Variants in DTNA observed in about 807,000 individuals in gnomAD.
DTNA encodes the protein dystrophin-related protein 3.
A neutral mutation model predicts 100.7 loss-of-function variants in DTNA; 43 were observed. That is an observed-to-expected ratio of 0.43 (90% CI 0.33 to 0.55). DTNA has a LOEUF of 0.55. DTNA is among the 20% of genes least tolerant of loss of function. The pLI, the probability that DTNA is intolerant of heterozygous loss-of-function variation, is 0.04. For missense variants in DTNA, 798 were observed against 953.9 expected (o/e 0.84, Z 2.15); for synonymous variants, 349 against 347.9 (o/e 1.00, Z -0.04).
intron 3 of DTNA, among the ~76,000 whole-genome samples, chr18:34,774,484 G>T (rs1188655591): frequency 1.3e-5 from 2 of 152,186 alleles, no homozygotes; most frequent in Non-Finnish European, 1.5e-5. Flanking sequence ...CCTCACTGAG[G>T]TTTTGTTAAC....
intron 1 of DTNA, among the ~76,000 whole-genome samples, chr18:34,696,420 A>T (rs2080551663): frequency 6.6e-6 from 1 of 152,104 alleles, no homozygotes; most frequent in South Asian, 2.1e-4. Flanking sequence ...TCTACTAAAA[A>T]TACAAAAATT....
At chr18:34,618,836 G>A (rs2055869322) in intron 1 of DTNA, among the ~76,000 whole-genome samples, 1 of 152,090 alleles carries the variant, frequency 6.6e-6, no homozygotes. Context: ...CATCAGCCAT[G>A]TACCAATTAA....
At chr18:34,789,752 G>A (rs185895296) in intron 3 of DTNA, among the ~76,000 whole-genome samples, 9 of 151,876 alleles carry the variant, frequency 5.9e-5, no homozygotes, top group African/African-American at 9.7e-5. Context: ...TTTCTTTTAC[G>A]TTCCTTATAT....
At chr18:34,833,841 G>A (rs2096072085) in intron 11 of DTNA, among the ~76,000 whole-genome samples, 3 of 152,184 alleles carry the variant, frequency 2.0e-5, no homozygotes. Flanking sequence ...AGCTTAAAAG[G>A]AAGAATGCAT....
chr18:34,503,513 C>T (rs757178751), intron 1 of DTNA, among the ~76,000 whole-genome samples: 17 of 151,238 alleles, frequency 1.1e-4, no homozygotes, highest in East Asian at 2.0e-4. Flanking sequence ...CTCGATCTCC[C>T]GACCTCGTGA....
intron 1 of DTNA, among the ~76,000 whole-genome samples, chr18:34,538,490 A>C (rs1464936060): frequency 6.6e-6 from 1 of 152,090 alleles, no homozygotes; most frequent in Non-Finnish European, 1.5e-5. Context: ...GATTCTGACC[A>C]GTAGAATCTC....
At chr18:34,588,771 A>G (rs1310813575) in intron 1 of DTNA, among the ~76,000 whole-genome samples, 1 of 152,060 alleles carries the variant, frequency 6.6e-6, no homozygotes, top group Non-Finnish European at 1.5e-5. Flanking sequence ...AAGATTTTTC[A>G]TAAAGGATCC....
chr18:34,882,209 G>A lies in DTNA; in HGVS notation c.2295+8G>A, dbSNP rs1243809644. ...CAAGATGAAGCTTATCAGGTACAGG[G>A]ATCCAGGCCCACCCCACCCCACCTC... On this transcript the variant is annotated splice_region_variant and intron_variant, in intron 21 of 22. Coordinates refer to ENST00000444659, the MANE Select transcript of DTNA (RefSeq NM_001386795.1). 6.2e-7 allele frequency: 1 copy of A among 1,613,612 alleles called. No individual in the cohort carries two copies. The highest frequency in any genetic ancestry group is 8.5e-7 in the Non-Finnish European group (1 of 1,179,804).
intron 1 of DTNA, among the ~76,000 whole-genome samples, chr18:34,564,755 A>G (rs991677075): frequency 2.0e-5 from 3 of 152,174 alleles, no homozygotes; most frequent in Admixed American, 6.5e-5. Context: ...AAGTAATACT[A>G]TTAAGTGTAT....
rs191914063 is a variant in DTNA at position 34,582,130 on chromosome 18, C to T, written c.-2+88616C>T. Among the ~76,000 whole-genome samples the T allele has an allele frequency of 8.5e-5, 13 of 152,182 alleles. No homozygotes were observed. The East Asian group carries it at 2.5e-3, about 30-fold the overall frequency. On this transcript the variant is annotated intron_variant, in intron 1 of 19. Coordinates refer to the DTNA transcript ENST00000283365. The stretch of plus-strand genomic sequence containing the variant: ...AATGTGGCTGCTCAGAGAGAGAGAG[C>T]ACCCACACACTCTGCCTTCTCTTCC...
intron 1 of DTNA, among the ~76,000 whole-genome samples, chr18:34,702,733 C>T (rs2081552799): frequency 6.6e-6 from 1 of 152,066 alleles, no homozygotes; most frequent in Admixed American, 6.6e-5. Context: ...TTTCTTTTTC[C>T]TCCACCTCTG....
intron 12 of DTNA, among the ~76,000 whole-genome samples, chr18:34,838,532 G>A (rs1408759937): frequency 6.6e-6 from 1 of 152,086 alleles, no homozygotes; most frequent in Non-Finnish European, 1.5e-5. Flanking sequence ...TAACCTAAAT[G>A]GAAGTCTTTA....
intron 20 of DTNA, 109 bp from the exon 21 acceptor site, chr18:34,881,960 G>C: frequency 1.4e-6 from 2 of 1,467,536 alleles, no homozygotes; most frequent in Admixed American, 3.4e-5. Flanking sequence ...GTGACTTGGA[G>C]AACTAAGGGG....
chr18:34,886,770 C>T (rs1177447906), intron 22 of DTNA, among the ~76,000 whole-genome samples: 1 of 152,176 alleles, frequency 6.6e-6, no homozygotes, highest in African/African-American at 2.4e-5. Flanking sequence ...GAACAAGAAC[C>T]AGCCTGTCAT....
chr18:34,835,575 G>GA (rs1179635960), intron 11 of DTNA, among the ~76,000 whole-genome samples: 10 of 147,580 alleles, frequency 6.8e-5, no homozygotes, highest in South Asian at 2.2e-4. Context: ...AAGATTTGAA[G>GA]AAAAAAAAAA....
intron 1 of DTNA, among the ~76,000 whole-genome samples, chr18:34,739,346 G>A (rs1175891849): frequency 1.3e-5 from 2 of 152,018 alleles, no homozygotes; most frequent in East Asian, 1.9e-4. Context: ...TAAGATATTG[G>A]CATAATCCTC....
chr18:34,518,704 C>T (rs866299490), intron 1 of DTNA, among the ~76,000 whole-genome samples: 5 of 121,536 alleles, frequency 4.1e-5, no homozygotes, highest in East Asian at 2.6e-4. Context: ...ATTTGGCAAA[C>T]GTGTGTGTGT....
intron 1 of DTNA, among the ~76,000 whole-genome samples, chr18:34,719,697 C>T (rs2084854932): frequency 6.6e-6 from 1 of 152,170 alleles, no homozygotes; most frequent in Non-Finnish European, 1.5e-5. Flanking sequence ...TGTCATTCTA[C>T]ACCGACACTG....
At chr18:34,755,596 G>A (rs1056829701) in intron 1 of DTNA, 1 of 267,520 alleles carries the variant, frequency 3.7e-6, no homozygotes, top group Non-Finnish European at 7.2e-6. Flanking sequence ...ATCATCTGTT[G>A]AATGGGATCC....
Sources: gnomAD v4.1 joint callset for allele counts (sites outside exome capture counted in the v4.1 genomes callset) on GRCh38, gnomAD v4.1.1 for gene constraint, MANE v1.5 for transcripts, NCBI Gene and HGNC (gene_info 2026-07-23, HGNC 2026-07-21) for gene names.